TEC: variants seen among roughly 807,000 people sequenced by gnomAD.
The protein encoded by TEC is tyrosine-protein kinase Tec.
A neutral mutation model predicts 93.0 loss-of-function variants in TEC; 72 were observed. The observed-to-expected ratio is 0.77, with a 90% CI of 0.64 to 0.94. The LOEUF (loss-of-function observed/expected upper bound fraction) is 0.94, where lower values mean the gene tolerates loss of function less well. Among genes scored for constraint, TEC ranks in the 40% least tolerant of loss-of-function variants. The probability of loss-of-function intolerance (pLI) is 0.00; values close to 1 mark genes in which losing one functional copy is unlikely to be tolerated. For synonymous variants in TEC, 249 were observed against 247.7 expected (o/e 1.01, Z -0.05); for missense variants, 630 against 757.9 (o/e 0.83, Z 1.98).
At chr4:48,211,405 G>A (rs746271604) in intron 2 of TEC, among the ~76,000 whole-genome samples, 3 of 100,922 alleles carry the variant, frequency 3.0e-5, no homozygotes, top group Admixed American at 1.1e-4. Context: ...ATCACTCTGA[G>A]GTTCAAAAAA....
intron 2 of TEC, among the ~76,000 whole-genome samples, chr4:48,190,728 A>T (rs1722063630): frequency 6.6e-6 from 1 of 152,212 alleles, no homozygotes; most frequent in African/African-American, 2.4e-5. Context: ...AGGAAAAAAG[A>T]CTGGATATTG....
chr4:48,258,825 C>T (rs923413407), intron 1 of TEC, among the ~76,000 whole-genome samples: 1 of 152,192 alleles, frequency 6.6e-6, no homozygotes, highest in Non-Finnish European at 1.5e-5. Context: ...ATTTGTCTGA[C>T]ATGGTTACCC....
intron 2 of TEC, among the ~76,000 whole-genome samples, chr4:48,219,787 T>C (rs1224815425): frequency 2.6e-5 from 4 of 152,116 alleles, no homozygotes; most frequent in East Asian, 3.9e-4. Context: ...AGCCCAGCCA[T>C]TCGGGGCCAC....
intron 2 of TEC, among the ~76,000 whole-genome samples, chr4:48,210,176 T>C (rs1406821439): frequency 6.6e-6 from 1 of 152,156 alleles, no homozygotes; most frequent in Non-Finnish European, 1.5e-5. Context: ...CAGACCCACC[T>C]CTGTTGTCAT....
chr4:48,168,534 C>T (rs758768153), intron 6 of TEC, 52 bp downstream of exon 6: 2 of 1,586,896 alleles, frequency 1.3e-6, no homozygotes, highest in Non-Finnish European at 1.7e-6. Flanking sequence ...AAACTTAAGA[C>T]TTAAAGGCTT....
intron 1 of TEC, among the ~76,000 whole-genome samples, chr4:48,245,097 A>T (rs889485825): frequency 2.6e-5 from 4 of 152,108 alleles, no homozygotes; most frequent in African/African-American, 9.7e-5. Flanking sequence ...TATTCAGACC[A>T]TCCTGGCCAA....
intron 2 of TEC, among the ~76,000 whole-genome samples, chr4:48,226,936 T>G (rs1299448735): frequency 6.6e-6 from 1 of 152,236 alleles, no homozygotes; most frequent in Non-Finnish European, 1.5e-5. Flanking sequence ...TTAAATTTTT[T>G]AGATTTAACA....
chr4:48,149,871 T>C (rs913595306), intron 10 of TEC, among the ~76,000 whole-genome samples, 181 bp from the exon 11 acceptor site: 15 of 152,248 alleles, frequency 9.9e-5, no homozygotes, highest in African/African-American at 3.6e-4. Context: ...TCAAAGTTTT[T>C]AAATTACTCA....
At chr4:48,255,734 G>A (rs1724324333) in intron 1 of TEC, among the ~76,000 whole-genome samples, 1 of 152,116 alleles carries the variant, frequency 6.6e-6, no homozygotes, top group South Asian at 2.1e-4. Flanking sequence ...TATTGTGGGA[G>A]GATTAAATGA....
At position 48,138,422 on chromosome 4, in the gene TEC, G is replaced by A. The variant is rs543740472; in HGVS notation, c.1812+243C>T. ...GTCCCTATCTCAGGCAACCATGGAA[G>A]GAGTCCCACTTGGAAGTGAGGAAGC... On this transcript the variant is annotated intron_variant, in intron 17 of 17. Coordinates refer to ENST00000381501, the MANE Select transcript of TEC (RefSeq NM_003215.3). 5.6e-4 allele frequency among the ~76,000 whole-genome samples: 86 copies of A among 152,320 alleles called. No individual in the cohort carries two copies. The South Asian group carries it at 9.1e-3, about 16-fold the overall frequency.
At chr4:48,184,834 T>G (rs1462717313) in intron 2 of TEC, among the ~76,000 whole-genome samples, 1 of 146,016 alleles carries the variant, frequency 6.8e-6, no homozygotes, top group Non-Finnish European at 1.5e-5. Flanking sequence ...GATAAAATAT[T>G]TCATCAAATT....
intron 1 of TEC, among the ~76,000 whole-genome samples, chr4:48,265,265 A>G (rs1577679095): frequency 1.3e-5 from 2 of 151,860 alleles, no homozygotes; most frequent in East Asian, 3.9e-4. Flanking sequence ...ATTCATGATT[A>G]CAGTCATGAA....
At chr4:48,215,078 G>A (rs1723030286) in intron 2 of TEC, among the ~76,000 whole-genome samples, 2 of 151,726 alleles carry the variant, frequency 1.3e-5, no homozygotes, top group African/African-American at 2.4e-5. Context: ...GCTTGAACCC[G>A]GGAGGCGGAG....
chr4:48,147,541 C>T (rs534764205), intron 11 of TEC, among the ~76,000 whole-genome samples: 185 of 152,266 alleles, frequency 1.2e-3, no homozygotes, highest in Non-Finnish European at 2.0e-3. Context: ...TTTTCCTTAA[C>T]ATCGTTATAT....
chr4:48,144,808 C>T (rs1481836972), intron 14 of TEC, among the ~76,000 whole-genome samples: 5 of 152,104 alleles, frequency 3.3e-5, no homozygotes, highest in African/African-American at 1.2e-4. Context: ...TAAGAGAATC[C>T]ACTGTGAGTA....
chr4:48,253,177 G>A (rs1316754963), intron 1 of TEC, among the ~76,000 whole-genome samples: 1 of 152,152 alleles, frequency 6.6e-6, no homozygotes, highest in Admixed American at 6.5e-5. Flanking sequence ...AAATACGTAA[G>A]TTATCTTACT....
rs182240017 is a variant in TEC, at chr4:48,186,737, C to T, written c.139-10551G>A. 6.9e-3 allele frequency among the ~76,000 whole-genome samples: 1,039 copies of T among 151,676 alleles called. 13 individuals are homozygous for T. Among genetic ancestry groups the T allele is most frequent in the African/African-American group, 0.024 (976 of 41,362 alleles). On this transcript the variant is annotated intron_variant, in intron 2 of 17. Coordinates refer to ENST00000381501, the MANE Select transcript of TEC (RefSeq NM_003215.3). ...CAGGAGGTGGGGGGCAGCCCCCGCC[C>T]GGTCAGCCGCCCCGTCCGGGAGGGA...
chr4:48,157,046 A>G (rs1361640748), intron 8 of TEC, among the ~76,000 whole-genome samples: 5 of 152,254 alleles, frequency 3.3e-5, no homozygotes, highest in African/African-American at 9.6e-5. Flanking sequence ...TTGCAAATCA[A>G]TATAGGTCTA....
At chr4:48,180,487 T>C (rs1215149874) in intron 2 of TEC, among the ~76,000 whole-genome samples, 1 of 152,202 alleles carries the variant, frequency 6.6e-6, no homozygotes, top group Non-Finnish European at 1.5e-5. Context: ...TCTCTTGTGG[T>C]ATCCTACAGA....
Sources: allele counts gnomAD v4.1 joint callset (sites outside exome capture counted in the v4.1 genomes callset), GRCh38; gene constraint gnomAD v4.1.1; transcripts MANE v1.5; gene names NCBI Gene and HGNC (gene_info 2026-07-23, HGNC 2026-07-21).